Variants in FHIT observed in about 807,000 individuals in gnomAD.
The protein encoded by FHIT is bis(5'-adenosyl)-triphosphatase.
In FHIT, 19 loss-of-function variants were observed where a neutral mutation model predicts 17.9. The observed-to-expected ratio is 1.06, with a 90% CI of 0.74 to 1.56. The LOEUF (loss-of-function observed/expected upper bound fraction) is 1.56, where lower values mean the gene tolerates loss of function less well. Ranked by LOEUF, FHIT falls within the 40% of genes most tolerant of loss-of-function variation. The pLI, the probability that FHIT is intolerant of heterozygous loss-of-function variation, is 0.00. For missense variants in FHIT, 248 were observed against 189.2 expected, an observed-to-expected ratio of 1.31 and a Z score of -1.82; for synonymous variants, 81 against 69.7, an observed-to-expected ratio of 1.16 and a Z score of -0.81.
chr3:60,513,564 A>C (rs545817612), intron 5 of FHIT, among the ~76,000 whole-genome samples: 5 of 152,338 alleles, frequency 3.3e-5, no homozygotes, highest in South Asian at 2.1e-4. Flanking sequence ...AAAATCCTCC[A>C]ATCTTTCAGC....
chr3:60,570,478 C>G lies in FHIT; in HGVS notation c.-17-33499G>C, dbSNP rs752499376. Among the ~76,000 whole-genome samples the G allele has an allele frequency of 2.6e-5, 4 of 152,012 alleles. No homozygotes were observed. The East Asian group carries it at 7.7e-4, about 29-fold the overall frequency. On this transcript the variant is annotated intron_variant, in intron 4 of 9. Transcript: ENST00000492590. ...ATCAGGAGGAGATAAGAACCTGTAA[C>G]TTATCTAACACATTTCAAGACATTA...
intron 8 of FHIT, among the ~76,000 whole-genome samples, chr3:59,817,908 CAAAG>C (rs934598694): frequency 2.0e-5 from 3 of 151,450 alleles, no homozygotes; most frequent in East Asian, 1.9e-4. Flanking sequence ...AGGGGCACTC[CAAAG>C]AAAGAAAGAA....
In FHIT at chr3:60,107,382, A is replaced by G. The variant is rs28582870; in HGVS notation, c.104-93230T>C. ...TATTCTAATCTTATCAGAATAACCT[A>G]CTGTTAAAACACAAACTGAGGCAGG... is the stretch of plus-strand genomic sequence containing the variant. On this transcript the variant is annotated intron_variant, in intron 5 of 9. Coordinates refer to ENST00000492590, the MANE Select transcript of FHIT (RefSeq NM_002012.4). Among the ~76,000 whole-genome samples the G allele has an allele frequency of 4.8e-3, 728 of 152,228 alleles. 6 individuals are homozygous for G. The highest frequency in any genetic ancestry group is 0.016 in the African/African-American group (684 of 41,548).
At chr3:60,377,464 CTTTTTTTTTTTT>C (rs1196507429) in intron 5 of FHIT, among the ~76,000 whole-genome samples, 8 of 49,688 alleles carry the variant, frequency 1.6e-4, no homozygotes, top group Non-Finnish European at 1.8e-4. Context: ...GCCAAGAATT[CTTTTTTTTTTTT>C]TTTTTTTTTT....
chr3:60,519,406 A>G (rs530624115), intron 5 of FHIT, among the ~76,000 whole-genome samples: 1 of 152,322 alleles, frequency 6.6e-6, no homozygotes, highest in African/African-American at 2.4e-5. Flanking sequence ...TTGAACAATT[A>G]AGGGGCAAGT....
chr3:59,895,968 T>A lies in FHIT; in HGVS notation c.348+26378A>T, dbSNP rs887810306. Among the ~76,000 whole-genome samples, 11 of 152,212 alleles carry A rather than the reference T, an allele frequency of 7.2e-5. No homozygotes were observed. In the South Asian group the frequency reaches 1.9e-3, roughly 26 times the overall value. ...GGCCTGGGAATGCTCTTCATCTAGATCCTTACATGGCTGGCACTTTCACAT... is the reference window on the plus strand; with the variant it reads ...GGCCTGGGAATGCTCTTCATCTAGAACCTTACATGGCTGGCACTTTCACAT... On this transcript the variant is annotated intron_variant, in intron 8 of 9. Coordinates refer to ENST00000492590, the MANE Select transcript of FHIT (RefSeq NM_002012.4).
rs559170618 is a variant in FHIT at position 61,053,912 on chromosome 3, G to A, written c.-163-11813C>T. 4.6e-5 allele frequency among the ~76,000 whole-genome samples: 7 copies of A among 152,298 alleles called. No homozygotes were observed. The South Asian group carries it at 1.4e-3, about 32-fold the overall frequency. ...ACAGGTCCCAAATCAATAAGCAGAG[G>A]TGACTGTGGGCAGTGAGCATAATGG... On this transcript the variant is annotated intron_variant, in intron 2 of 9. Coordinates refer to ENST00000492590, the MANE Select transcript of FHIT (RefSeq NM_002012.4).
intron 2 of FHIT, among the ~76,000 whole-genome samples, chr3:61,051,843 C>T (rs991370351): frequency 2.6e-5 from 4 of 152,148 alleles, no homozygotes; most frequent in African/African-American, 9.7e-5. Context: ...ATTCATGAGG[C>T]AGGGCAAAAG....
intron 8 of FHIT, among the ~76,000 whole-genome samples, chr3:59,804,552 C>A (rs1315791801): frequency 6.6e-6 from 1 of 152,096 alleles, no homozygotes; most frequent in East Asian, 1.9e-4. Context: ...GCTCAAGGGC[C>A]CCGTTACAGA....
In FHIT at chr3:60,181,145, A is replaced by ATTTTT. The variant is rs199935934; in HGVS notation, c.104-166998_104-166994dup. On this transcript the variant is annotated intron_variant, in intron 5 of 9. Transcript: ENST00000492590. ...ATTACACAGATTACAAATTTTTTTAATTTTTTTTTTTTTTTTTTTGAGACT... is the reference window on the plus strand; with the variant it reads ...ATTACACAGATTACAAATTTTTTTAATTTTTTTTTTTTTTTTTTTTTTTTGAGACT... Among the ~76,000 whole-genome samples the ATTTTT allele has an allele frequency of 5.5e-4, 69 of 125,584 alleles. 2 individuals are homozygous for ATTTTT. Among genetic ancestry groups the ATTTTT allele is most frequent in the African/African-American group, 2.0e-3 (66 of 32,360 alleles). The allele number at this position is 125,584 out of a possible 152,430, so 82.4% of individuals were successfully genotyped here.
chr3:60,039,254 T>G (rs1420749958), intron 5 of FHIT, among the ~76,000 whole-genome samples: 1 of 152,158 alleles, frequency 6.6e-6, no homozygotes. Flanking sequence ...AAGCCAAAGT[T>G]CCTTTAAGGA....
intron 7 of FHIT, among the ~76,000 whole-genome samples, chr3:60,005,892 A>C (rs1215049284): frequency 1.3e-5 from 2 of 152,282 alleles, no homozygotes; most frequent in East Asian, 3.9e-4. Context: ...AATCTTTCCT[A>C]GAAATTGGTT....
chr3:61,034,175 TA>T (rs747492675), intron 3 of FHIT, among the ~76,000 whole-genome samples: 1 of 152,138 alleles, frequency 6.6e-6, no homozygotes, highest in Non-Finnish European at 1.5e-5. Flanking sequence ...GAAGAAAGCA[TA>T]GGGGTAAAAT....
chr3:60,854,819 A>T (rs1166876009), intron 3 of FHIT, among the ~76,000 whole-genome samples: 1 of 152,170 alleles, frequency 6.6e-6, no homozygotes, highest in Non-Finnish European at 1.5e-5. Flanking sequence ...GAAGCTGGAT[A>T]TGAGCTGAGC....
chr3:60,601,848 A>G (rs1010894272), intron 4 of FHIT, among the ~76,000 whole-genome samples: 3 of 152,206 alleles, frequency 2.0e-5, no homozygotes, highest in Non-Finnish European at 4.4e-5. Context: ...AGGTTTTGAA[A>G]AGGAAATTCC....
intron 7 of FHIT, among the ~76,000 whole-genome samples, chr3:59,952,679 G>A (rs577639044): frequency 1.3e-5 from 2 of 152,338 alleles, no homozygotes; most frequent in African/African-American, 4.8e-5. Flanking sequence ...ACTCTGGAAA[G>A]ATCCCTTAAA....
intron 4 of FHIT, among the ~76,000 whole-genome samples, chr3:60,597,247 G>T (rs188930806): frequency 6.6e-5 from 10 of 152,196 alleles, no homozygotes; most frequent in African/African-American, 2.4e-4. Context: ...CCTCCCTAGA[G>T]CCCTAAACCT....
At chr3:61,117,893 C>T (rs1385908779) in intron 2 of FHIT, among the ~76,000 whole-genome samples, 2 of 152,082 alleles carry the variant, frequency 1.3e-5, no homozygotes, top group Admixed American at 6.6e-5. Flanking sequence ...ATATATTTAC[C>T]GAACGAATGA....
intron 5 of FHIT, among the ~76,000 whole-genome samples, chr3:60,335,856 AT>A (rs1710212375): frequency 6.6e-6 from 1 of 152,216 alleles, no homozygotes; most frequent in Non-Finnish European, 1.5e-5. Flanking sequence ...CTTAAAAAAA[AT>A]GGTATGCTCC....
Sources: allele counts gnomAD v4.1 joint callset (sites outside exome capture counted in the v4.1 genomes callset), GRCh38; gene constraint gnomAD v4.1.1; transcripts MANE v1.5; gene names NCBI Gene and HGNC (gene_info 2026-07-23, HGNC 2026-07-21).